RBFOX1: variants seen among roughly 807,000 people sequenced by gnomAD.
RBFOX1 encodes the protein RNA binding protein fox-1 homolog 1.
RBFOX1 carries 8 observed loss-of-function variants against 57.7 expected under a neutral mutation model. The ratio of observed to expected loss-of-function variants is 0.14; its 90% CI spans 0.08 to 0.25. The LOEUF is 0.25. Ranked by LOEUF, RBFOX1 falls within the 10% of genes least tolerant of loss-of-function variation. The pLI is 1.00. For synonymous variants in RBFOX1, 326 were observed against 222.4 expected (o/e 1.47, Z -4.15); for missense variants, 611 against 548.5 (o/e 1.11, Z -1.14).
chr16:7,254,808 T>C (rs113642739), intron 4 of RBFOX1, among the ~76,000 whole-genome samples: 13 of 152,174 alleles, frequency 8.5e-5, no homozygotes, highest in Non-Finnish European at 1.0e-4. Context: ...TTTCATACAA[T>C]GATGAACAAG....
At chr16:7,097,955 C>G (rs748825004) in intron 4 of RBFOX1, among the ~76,000 whole-genome samples, 16 of 152,112 alleles carry the variant, frequency 1.1e-4, no homozygotes, top group Non-Finnish European at 2.2e-4. Flanking sequence ...AAATACAAAA[C>G]AGTTTAATAA....
chr16:6,687,013 G>A (rs926759121), intron 3 of RBFOX1, among the ~76,000 whole-genome samples: 5 of 152,162 alleles, frequency 3.3e-5, no homozygotes, highest in African/African-American at 1.2e-4. Context: ...TCATGGAAAA[G>A]CATGGTTAAA....
intron 4 of RBFOX1, among the ~76,000 whole-genome samples, chr16:7,378,136 C>G (rs759343644): frequency 6.6e-6 from 1 of 152,132 alleles, no homozygotes; most frequent in Non-Finnish European, 1.5e-5. Context: ...TGGAGGAGGA[C>G]TTTGATGGGC....
chr16:6,993,675 G>T (rs905402743), intron 3 of RBFOX1, among the ~76,000 whole-genome samples: 3 of 152,156 alleles, frequency 2.0e-5, no homozygotes, highest in Admixed American at 1.3e-4. Context: ...GCATTTGTGT[G>T]CATTAGGTAA....
intron 3 of RBFOX1, among the ~76,000 whole-genome samples, chr16:6,941,296 CTCCCTCCTTCCTTCCTTCCTTCCTTCCT>C (rs1246905886): frequency 1.5e-4 from 10 of 64,642 alleles, no homozygotes; most frequent in African/African-American, 6.1e-4. Context: ...CCTTCCCTCC[CTCCCTCCTTCCTTCCTTCCTTCCTTCCT>C]TCCTTCCTTC....
Position 5,414,171 on chromosome 16 carries a change from A to C in RBFOX1, c.220-53045A>C, listed in dbSNP as rs141619580. 2.0e-4 allele frequency among the ~76,000 whole-genome samples: 30 copies of C among 152,276 alleles called. No homozygotes were observed. In the East Asian group the frequency reaches 5.2e-3, roughly 27 times the overall value. ...TAACAATCATTGCGCCAAGGGAAAAACAAGGGTGATCACTTGATTGGCTAC... is the reference window on the plus strand; with the variant it reads ...TAACAATCATTGCGCCAAGGGAAAACCAAGGGTGATCACTTGATTGGCTAC... On this transcript the variant is annotated intron_variant, in intron 1 of 2. Coordinates refer to the RBFOX1 transcript ENST00000585867.
chr16:5,264,341 C>T (rs1437623879), intron 1 of RBFOX1, among the ~76,000 whole-genome samples: 1 of 152,124 alleles, frequency 6.6e-6, no homozygotes, highest in Admixed American at 6.5e-5. Flanking sequence ...AACGTGGTCA[C>T]CCTGGCCCTG....
chr16:6,902,969 A>G (rs556726190), intron 3 of RBFOX1, among the ~76,000 whole-genome samples: 221 of 152,282 alleles, frequency 1.5e-3, no homozygotes, highest in Admixed American at 3.3e-3. Flanking sequence ...GAAGATGGAC[A>G]TAAACAAAAT....
intron 3 of RBFOX1, among the ~76,000 whole-genome samples, chr16:7,022,275 A>C (rs1287563730): frequency 6.7e-6 from 1 of 150,314 alleles, no homozygotes; most frequent in Non-Finnish European, 1.5e-5. Context: ...TTCGTCTTGA[A>C]CTCAAGACAT....
intron 2 of RBFOX1, among the ~76,000 whole-genome samples, chr16:5,585,794 T>G (rs1293446112): frequency 6.6e-6 from 1 of 152,236 alleles, no homozygotes; most frequent in Non-Finnish European, 1.5e-5. Context: ...TGCAGATCCT[T>G]GGTCTTCACT....
At chr16:6,257,182 A>G (rs549430571) in intron 1 of RBFOX1, among the ~76,000 whole-genome samples, 9 of 152,250 alleles carry the variant, frequency 5.9e-5, no homozygotes, top group Non-Finnish European at 1.3e-4. Context: ...AACATGTGCC[A>G]CAGTGGTTTG....
At chr16:7,477,010 T>A (rs2062857782) in intron 4 of RBFOX1, among the ~76,000 whole-genome samples, 1 of 152,112 alleles carries the variant, frequency 6.6e-6, no homozygotes, top group South Asian at 2.1e-4. Flanking sequence ...TGCTGGGAAG[T>A]GTACCTAACA....
At chr16:7,049,241 C>G (rs117827286) in intron 3 of RBFOX1, among the ~76,000 whole-genome samples, 2,690 of 152,174 alleles carry the variant, frequency 0.018, 46 homozygotes, top group Non-Finnish European at 0.028. Flanking sequence ...TGCTTCTCAT[C>G]TGAGTCTGCA....
At chr16:5,428,776 C>T (rs1048953325) in intron 1 of RBFOX1, among the ~76,000 whole-genome samples, 1 of 152,108 alleles carries the variant, frequency 6.6e-6, no homozygotes, top group Middle Eastern at 3.2e-3. Context: ...GTATAACTTG[C>T]TATGTAACAA....
chr16:5,837,033 C>T (rs753043410), intron 3 of RBFOX1, among the ~76,000 whole-genome samples: 1 of 152,166 alleles, frequency 6.6e-6, no homozygotes, highest in African/African-American at 2.4e-5. Flanking sequence ...TGGTCACTTG[C>T]AGAAGTACCC....
chr16:7,190,625 T>G (rs928834655), intron 4 of RBFOX1, among the ~76,000 whole-genome samples: 1 of 151,698 alleles, frequency 6.6e-6, no homozygotes, highest in Admixed American at 6.6e-5. Context: ...GTTGGTAGAG[T>G]GGTATTGCTA....
At chr16:6,076,049 A>G (rs1458531187) in intron 1 of RBFOX1, among the ~76,000 whole-genome samples, 1 of 152,182 alleles carries the variant, frequency 6.6e-6, no homozygotes, top group East Asian at 1.9e-4. Flanking sequence ...CTGTAATGTC[A>G]GCACTTTGGG....
intron 1 of RBFOX1, among the ~76,000 whole-genome samples, chr16:6,278,550 A>T (rs188754481): frequency 6.6e-6 from 1 of 152,022 alleles, no homozygotes; most frequent in East Asian, 1.9e-4. Context: ...AAAAATAACA[A>T]TTTTCCCCTT....
At chr16:7,372,389 G>C (rs911299395) in intron 4 of RBFOX1, among the ~76,000 whole-genome samples, 1 of 152,108 alleles carries the variant, frequency 6.6e-6, no homozygotes, top group Admixed American at 6.5e-5. Context: ...TACTTGCCTT[G>C]GTAATAGGAT....
Sources: allele counts gnomAD v4.1 joint callset (sites outside exome capture counted in the v4.1 genomes callset), GRCh38; gene constraint gnomAD v4.1.1; transcripts MANE v1.5; gene names NCBI Gene and HGNC (gene_info 2026-07-23, HGNC 2026-07-21).